Variants in ACTL8 observed in about 807,000 individuals in gnomAD.
The protein encoded by ACTL8 is actin-like protein 8.
Under a neutral mutation model 9.3 loss-of-function variants are expected in ACTL8, and 3 were observed. That is an observed-to-expected ratio of 0.32 (90% confidence interval 0.15 to 0.83). The LOEUF is 0.83. ACTL8 is among the 40% of genes least tolerant of loss of function. ACTL8 has a pLI of 0.57. For synonymous variants in ACTL8, 224 were observed against 205.9 expected (o/e 1.09, Z -0.75); for missense variants, 381 against 492.2 (o/e 0.77, Z 2.14).
intron 1 of ACTL8, among the ~76,000 whole-genome samples, chr1:17,783,663 C>T (rs368009468): frequency 2.6e-5 from 4 of 152,188 alleles, no homozygotes; most frequent in East Asian, 1.9e-4. Flanking sequence ...TGGAACTGCA[C>T]GGTCGTCGGG....
intron 1 of ACTL8, among the ~76,000 whole-genome samples, chr1:17,801,029 T>C (rs2066318885): frequency 6.6e-6 from 1 of 152,244 alleles, no homozygotes. Flanking sequence ...AGTAAATACA[T>C]GTTAAATTTG....
chr1:17,797,229 C>T (rs2066283927), intron 1 of ACTL8, among the ~76,000 whole-genome samples: 1 of 152,156 alleles, frequency 6.6e-6, no homozygotes, highest in Non-Finnish European at 1.5e-5. Context: ...CAGCAGCTGC[C>T]ACCTGCTAGG....
intron 1 of ACTL8, among the ~76,000 whole-genome samples, chr1:17,763,224 C>T (rs142726640): frequency 3.9e-5 from 6 of 152,088 alleles, no homozygotes; most frequent in African/African-American, 1.4e-4. Flanking sequence ...CTGGGTTTCA[C>T]GTTGTTTAAA....
At chr1:17,801,439 G>A (rs934174119) in intron 1 of ACTL8, among the ~76,000 whole-genome samples, 3 of 152,138 alleles carry the variant, frequency 2.0e-5, no homozygotes, top group African/African-American at 7.2e-5. Context: ...TACCAAGATG[G>A]CCAAATTTAA....
At chr1:17,811,975 A>C (rs1023225718) in intron 1 of ACTL8, among the ~76,000 whole-genome samples, 6 of 151,706 alleles carry the variant, frequency 4.0e-5, no homozygotes, top group African/African-American at 1.5e-4. Context: ...TGGCCTCCCA[A>C]GTAGCTGGGA....
At chr1:17,819,393 A>T (rs904733366) in intron 1 of ACTL8, among the ~76,000 whole-genome samples, 1 of 152,182 alleles carries the variant, frequency 6.6e-6, no homozygotes, top group Middle Eastern at 3.2e-3. Flanking sequence ...CCCCAGGTCT[A>T]TGTCAGAGCC....
chr1:17,779,459 C>T (rs2066139216), intron 1 of ACTL8, among the ~76,000 whole-genome samples: 1 of 152,170 alleles, frequency 6.6e-6, no homozygotes, highest in African/African-American at 2.4e-5. Context: ...GCCTAGATCC[C>T]TCATCATCAG....
chr1:17,797,954 T>C (rs72648488), intron 1 of ACTL8, among the ~76,000 whole-genome samples: 7,726 of 152,114 alleles, frequency 0.051, 246 homozygotes, highest in Middle Eastern at 0.075. Context: ...AGCAGGATCA[T>C]TGAGAAACTG....
intron 1 of ACTL8, among the ~76,000 whole-genome samples, chr1:17,775,607 G>A (rs1417935560): frequency 1.3e-5 from 2 of 152,230 alleles, no homozygotes; most frequent in Non-Finnish European, 2.9e-5. Flanking sequence ...TCCTGCCAAG[G>A]TCACCTGTGT....
At chr1:17,796,249 G>A (rs1306763075) in intron 1 of ACTL8, among the ~76,000 whole-genome samples, 1 of 151,938 alleles carries the variant, frequency 6.6e-6, no homozygotes, top group South Asian at 2.1e-4. Flanking sequence ...GGTGGTTTTG[G>A]GTGGGGTGGG....
chr1:17,785,253 A>G (rs1366827240), intron 1 of ACTL8, among the ~76,000 whole-genome samples: 1 of 152,108 alleles, frequency 6.6e-6, no homozygotes, highest in Non-Finnish European at 1.5e-5. Context: ...TCCCTCATCC[A>G]TAGACTGGAA....
chr1:17,764,272 A>G (rs2066028620), intron 1 of ACTL8, among the ~76,000 whole-genome samples: 1 of 152,142 alleles, frequency 6.6e-6, no homozygotes, highest in South Asian at 2.1e-4. Flanking sequence ...CCCCTGCTGC[A>G]GACAGTCATC....
intron 1 of ACTL8, among the ~76,000 whole-genome samples, chr1:17,760,368 C>G (rs2065992657): frequency 6.6e-6 from 1 of 152,154 alleles, no homozygotes; most frequent in Non-Finnish European, 1.5e-5. Context: ...TGGTGTGGGA[C>G]TTTGCTCCAT....
chr1:17,817,890 C>T (rs755048752), intron 1 of ACTL8, among the ~76,000 whole-genome samples: 2 of 152,110 alleles, frequency 1.3e-5, no homozygotes, highest in South Asian at 2.1e-4. Context: ...TCAGTAGAGA[C>T]GGGGTTTCGC....
intron 1 of ACTL8, among the ~76,000 whole-genome samples, chr1:17,806,848 G>A (rs1197324283): frequency 6.6e-6 from 1 of 152,322 alleles, no homozygotes; most frequent in African/African-American, 2.4e-5. Flanking sequence ...ATTACCAAAT[G>A]CAGTGGCCCA....
At chr1:17,812,596 A>ATTTTTTTT (rs34761963) in intron 1 of ACTL8, among the ~76,000 whole-genome samples, 1 of 136,274 alleles carries the variant, frequency 7.3e-6, no homozygotes, top group African/African-American at 2.8e-5. Flanking sequence ...CGCCCTGTCA[A>ATTTTTTTT]TTTTTTTTTT....
intron 1 of ACTL8, among the ~76,000 whole-genome samples, chr1:17,818,037 C>T (rs2066439321): frequency 1.3e-5 from 2 of 152,122 alleles, no homozygotes; most frequent in African/African-American, 4.8e-5. Flanking sequence ...CAGGAACTCC[C>T]AATTACACCA....
intron 1 of ACTL8, among the ~76,000 whole-genome samples, chr1:17,812,953 A>G (rs2066403099): frequency 6.6e-6 from 1 of 152,212 alleles, no homozygotes. Context: ...CGATTTATTG[A>G]TAGTATATAA....
At chr1:17,788,150 T>C (rs1317607851) in intron 1 of ACTL8, among the ~76,000 whole-genome samples, 1 of 152,250 alleles carries the variant, frequency 6.6e-6, no homozygotes, top group East Asian at 1.9e-4. Flanking sequence ...ACCCTCTTTT[T>C]GCCTTCTGTG....
Sources: gnomAD v4.1 joint callset for allele counts (sites outside exome capture counted in the v4.1 genomes callset) on GRCh38, gnomAD v4.1.1 for gene constraint, MANE v1.5 for transcripts, NCBI Gene and HGNC (gene_info 2026-07-23, HGNC 2026-07-21) for gene names.